HMGCLL1: variants seen among roughly 807,000 people sequenced by gnomAD.
The protein encoded by HMGCLL1 is 3-hydroxy-3-methylglutaryl-CoA lyase like 1, also known as 3-hydroxymethyl-3-methylglutaryl-CoA lyase, cytoplasmic.
In HMGCLL1, 36 loss-of-function variants were observed where a neutral mutation model predicts 39.1. The observed-to-expected ratio is 0.92, with a 90% CI of 0.71 to 1.22. The LOEUF (loss-of-function observed/expected upper bound fraction) is 1.22. Among genes scored for constraint, HMGCLL1 ranks in the 50% most tolerant of loss-of-function variants. The pLI is 0.00. For missense variants in HMGCLL1, 451 were observed against 416.5 expected (o/e 1.08, Z -0.72); for synonymous variants, 149 against 144.0 (o/e 1.03, Z -0.25).
At chr6:55,533,730 C>T (rs1768827716) in intron 3 of HMGCLL1, among the ~76,000 whole-genome samples, 2 of 148,816 alleles carry the variant, frequency 1.3e-5, no homozygotes, top group Admixed American at 6.7e-5. Flanking sequence ...ACTAAAAATA[C>T]AAAAAATTAG....
rs780959840 is a variant in HMGCLL1 at position 55,435,644 on chromosome 6, G to C, written c.*18C>G. The C allele has an allele frequency of 8.4e-6, 12 of 1,432,872 alleles. No homozygotes were observed. The South Asian group carries it at 1.1e-4, about 13-fold the overall frequency. The allele number at this position is 1,432,872 out of a possible 1,614,324, so 88.8% of individuals were successfully genotyped here. A position where few individuals can be genotyped will look rare whatever the true frequency, so the allele number is the denominator to read the frequency against. On this transcript the variant is annotated 3_prime_UTR_variant, in exon 9 of 9. Coordinates refer to ENST00000274901, the MANE Select transcript of HMGCLL1 (RefSeq NM_001042406.2). Reference sequence around the variant, plus strand: ...CTGAAATTGATCTTCTCAACGGTACGTCATAAATCCATTCAAGTCAAGCAT... The same window carrying C: ...CTGAAATTGATCTTCTCAACGGTACCTCATAAATCCATTCAAGTCAAGCAT...
the HMGCLL1 span, among the ~76,000 whole-genome samples, chr6:55,650,130 TATATACACACAC>T: frequency 0.046 from 2,319 of 50,540 alleles, 36 homozygotes; most frequent in East Asian, 0.092. Flanking sequence ...TATATATATA[TATATACACACAC>T]ACACACATAT....
chr6:55,550,480 G>GTTT (rs1561956394), intron 1 of HMGCLL1, among the ~76,000 whole-genome samples: 1 of 151,864 alleles, frequency 6.6e-6, no homozygotes, highest in Non-Finnish European at 1.5e-5. Context: ...CTTCTACCTA[G>GTTT]TTTTATATCC....
chr6:55,602,119 G>T, the HMGCLL1 span, among the ~76,000 whole-genome samples: 24 of 152,144 alleles, frequency 1.6e-4, no homozygotes, highest in African/African-American at 5.3e-4. Flanking sequence ...AATATGGAAA[G>T]ATTATGATAA....
the HMGCLL1 span, among the ~76,000 whole-genome samples, chr6:55,596,915 C>T: frequency 6.6e-6 from 1 of 151,834 alleles, no homozygotes; most frequent in Admixed American, 6.6e-5. Context: ...TATATATAGC[C>T]TGTAACTAAA....
chr6:55,551,144 A>G (rs1456064263), intron 1 of HMGCLL1, among the ~76,000 whole-genome samples: 2 of 151,900 alleles, frequency 1.3e-5, no homozygotes, highest in Non-Finnish European at 2.9e-5. Context: ...AATTCATATA[A>G]TCTTTCCCCA....
chr6:55,513,975 T>A, intron 5 of HMGCLL1, 73 bp downstream of exon 5: 1 of 1,264,038 alleles, frequency 7.9e-7, no homozygotes, highest in Middle Eastern at 2.6e-4. Flanking sequence ...GATATAAGAA[T>A]CTCTAGATAA....
chr6:55,574,113 ATG>A (rs901805690), intron 1 of HMGCLL1, among the ~76,000 whole-genome samples: 6 of 151,688 alleles, frequency 4.0e-5, no homozygotes, highest in Admixed American at 2.0e-4. Context: ...AACATCATAT[ATG>A]TGTGTGTGTA....
At chr6:55,598,700 A>G in the HMGCLL1 span, among the ~76,000 whole-genome samples, 1 of 152,200 alleles carries the variant, frequency 6.6e-6, no homozygotes, top group East Asian at 1.9e-4. Flanking sequence ...ATTTATTGTT[A>G]GTTTTCAAGC....
chr6:55,671,834 T>A, the HMGCLL1 span, among the ~76,000 whole-genome samples: 5 of 151,800 alleles, frequency 3.3e-5, no homozygotes, highest in African/African-American at 1.2e-4. Context: ...CTTAAATAAT[T>A]ACAAAACATA....
chr6:55,577,314 C>T, intron 1 of HMGCLL1: 1 of 1,124,968 alleles, frequency 8.9e-7, no homozygotes, highest in Non-Finnish European at 1.2e-6. Context: ...CAAAAAGAAG[C>T]ATAACTCTGG....
At chr6:55,571,906 T>C (rs1001453750) in intron 1 of HMGCLL1, among the ~76,000 whole-genome samples, 4 of 152,162 alleles carry the variant, frequency 2.6e-5, no homozygotes, top group Non-Finnish European at 2.9e-5. Context: ...TTATAAGACA[T>C]ACATTTAAAG....
chr6:55,540,032 G>GGGAGGGAGGGAA (rs1769321843), intron 3 of HMGCLL1, among the ~76,000 whole-genome samples: 1 of 72,920 alleles, frequency 1.4e-5, no homozygotes, highest in African/African-American at 5.5e-5. Context: ...GAGGGAGGGA[G>GGGAGGGAGGGAA]GGAGGGAGGG....
At chr6:55,643,909 G>C in the HMGCLL1 span, among the ~76,000 whole-genome samples, 4 of 152,088 alleles carry the variant, frequency 2.6e-5, no homozygotes, top group East Asian at 1.9e-4. Flanking sequence ...CCTTTCATTT[G>C]AGTATATACC....
chr6:55,640,347 A>C, the HMGCLL1 span, among the ~76,000 whole-genome samples: 1 of 152,142 alleles, frequency 6.6e-6, no homozygotes, highest in African/African-American at 2.4e-5. Flanking sequence ...CCCAAAACTA[A>C]AAGCTAATGA....
chr6:55,639,850 G>A, the HMGCLL1 span, among the ~76,000 whole-genome samples: 9 of 151,998 alleles, frequency 5.9e-5, no homozygotes, highest in East Asian at 9.7e-4. Context: ...AGGCTGAGGC[G>A]GGCAGATCAC....
At chr6:55,544,174 C>T (rs541510345) in intron 1 of HMGCLL1, among the ~76,000 whole-genome samples, 6 of 152,200 alleles carry the variant, frequency 3.9e-5, no homozygotes, top group Admixed American at 1.3e-4. Context: ...CTACCTTTTG[C>T]TAAAATCTGA....
At chr6:55,538,058 T>C (rs1214618285) in intron 3 of HMGCLL1, among the ~76,000 whole-genome samples, 2 of 152,166 alleles carry the variant, frequency 1.3e-5, no homozygotes, top group Non-Finnish European at 2.9e-5. Context: ...AAGTGTAGCC[T>C]TCTAAAAATT....
chr6:55,490,053 C>T (rs1766231538), intron 7 of HMGCLL1, among the ~76,000 whole-genome samples: 2 of 152,122 alleles, frequency 1.3e-5, no homozygotes, highest in South Asian at 4.1e-4. Flanking sequence ...TGAAAAGCTA[C>T]CAGCCATATT....
Sources: gnomAD v4.1 joint callset for allele counts (sites outside exome capture counted in the v4.1 genomes callset) on GRCh38, gnomAD v4.1.1 for gene constraint, MANE v1.5 for transcripts, NCBI Gene and HGNC (gene_info 2026-07-23, HGNC 2026-07-21) for gene names.